The following MICAL2 variants were observed in gnomAD, a reference collection of about 807,000 sequenced individuals.
The protein encoded by MICAL2 is [F-actin]-monooxygenase MICAL2.
In MICAL2, 77 loss-of-function variants were observed where a neutral mutation model predicts 127.3. The observed-to-expected ratio is 0.60, with a 90% CI of 0.50 to 0.73. MICAL2 has a LOEUF of 0.73. MICAL2 is among the 30% of genes least tolerant of loss of function. The pLI is 0.00. For missense variants in MICAL2, 1,351 were observed against 1,434.4 expected, an observed-to-expected ratio of 0.94 and a Z score of 0.94; for synonymous variants, 570 against 551.1, an observed-to-expected ratio of 1.03 and a Z score of -0.48.
Position 12,231,354 on chromosome 11 carries a change from C to T in MICAL2, c.1995+4223C>T, listed in dbSNP as rs1858233449. 2.0e-5 allele frequency among the ~76,000 whole-genome samples: 3 copies of T among 152,236 alleles called. No individual in the cohort carries two copies. In the South Asian group the frequency reaches 6.2e-4, roughly 32 times the overall value. ...TCCTGCTCAACCAGGTCCTCCTCCTCCTCCAGCACTGGTCCCTGACAGAGT... is the reference window on the plus strand; with the variant it reads ...TCCTGCTCAACCAGGTCCTCCTCCTTCTCCAGCACTGGTCCCTGACAGAGT... On this transcript the variant is annotated intron_variant, in intron 15 of 27. Coordinates refer to ENST00000683283, the MANE Select transcript of MICAL2 (RefSeq NM_001282663.2).
intron 21 of MICAL2, among the ~76,000 whole-genome samples, chr11:12,246,862 T>A (rs1345347376): frequency 6.6e-6 from 1 of 152,214 alleles, no homozygotes; most frequent in Non-Finnish European, 1.5e-5. Context: ...TCTGCCCTAA[T>A]GAGGCTTACA....
chr11:12,338,417 G>C (rs1400985482), intron 32 of MICAL2, among the ~76,000 whole-genome samples: 4 of 152,134 alleles, frequency 2.6e-5, no homozygotes, highest in African/African-American at 7.2e-5. Flanking sequence ...CAATTTGCCA[G>C]TCTGTGTCTT....
chr11:12,171,097 C>T (rs1357085184), intron 3 of MICAL2, among the ~76,000 whole-genome samples: 1 of 152,214 alleles, frequency 6.6e-6, no homozygotes, highest in Non-Finnish European at 1.5e-5. Flanking sequence ...TCCTTCCCTG[C>T]AGGGTGGGGA....
At chr11:12,247,254 C>T (rs767956464) in intron 21 of MICAL2, among the ~76,000 whole-genome samples, 4 of 152,204 alleles carry the variant, frequency 2.6e-5, no homozygotes, top group African/African-American at 9.7e-5. Flanking sequence ...GGTGGCCAAC[C>T]CCAGATCTGC....
chr11:12,324,327 G>C (rs1864332845), intron 31 of MICAL2, among the ~76,000 whole-genome samples: 1 of 152,124 alleles, frequency 6.6e-6, no homozygotes, highest in Non-Finnish European at 1.5e-5. Context: ...GACATGTGAG[G>C]CTGGAACAAG....
downstream of MICAL2, chr11:12,294,576 A>G: frequency 1.9e-6 from 3 of 1,614,202 alleles, no homozygotes; most frequent in Non-Finnish European, 1.7e-6. Flanking sequence ...TTGCAAGAGA[A>G]CTTCCCAGAT....
At chr11:12,355,235 A>C (rs78779652) in intron 34 of MICAL2, among the ~76,000 whole-genome samples, 5,009 of 152,236 alleles carry the variant, frequency 0.033, 299 homozygotes, top group African/African-American at 0.11. Context: ...CCAGTTCCGT[A>C]ATGCTAGTTC....
chr11:12,132,765 T>G (rs1851526547), intron 1 of MICAL2, among the ~76,000 whole-genome samples: 2 of 152,256 alleles, frequency 1.3e-5, no homozygotes, highest in Admixed American at 1.3e-4. Context: ...AGGAAGATTT[T>G]CATGTCATTC....
intron 4 of MICAL2, among the ~76,000 whole-genome samples, chr11:12,205,017 A>G (rs565158124): frequency 6.6e-6 from 1 of 152,298 alleles, no homozygotes; most frequent in African/African-American, 2.4e-5. Context: ...GGAAAGAAAT[A>G]ATTGGATCCT....
chr11:12,174,453 T>C (rs1856619682), intron 3 of MICAL2, among the ~76,000 whole-genome samples: 1 of 151,970 alleles, frequency 6.6e-6, no homozygotes. Context: ...ACAGTATTTG[T>C]GGCTGGCTTA....
Position 12,221,678 on chromosome 11 carries a change from G to A in MICAL2, c.1241G>A (p.Gly414Asp), listed in dbSNP as rs747144917. 6.2e-7 allele frequency: 1 copy of A among 1,613,810 alleles called. No homozygotes were observed. Among genetic ancestry groups the A allele is most frequent in the Non-Finnish European group, 8.5e-7 (1 of 1,179,828 alleles). ...FWPMGTGCAR[G>D]FLAAFDTAWM... ...CCCATGGGTACAGGCTGTGCCCGTG[G>A]CTTCCTGGCAGCCTTTGACACGGCA... Residue 414 changes from glycine (G) to aspartate (D), a missense_variant, in exon 10 of 28, where the codon GGC becomes GAC. Transcript: ENST00000683283.
intron 30 of MICAL2, among the ~76,000 whole-genome samples, chr11:12,320,128 C>A (rs190577424): frequency 3.3e-5 from 5 of 152,266 alleles, no homozygotes; most frequent in Non-Finnish European, 7.4e-5. Context: ...GAAAACATTA[C>A]AACAAGCAGA....
At chr11:12,214,383 C>G (rs1464927156) in intron 7 of MICAL2, among the ~76,000 whole-genome samples, 2 of 152,166 alleles carry the variant, frequency 1.3e-5, no homozygotes, top group South Asian at 2.1e-4. Context: ...AATTTTCCAC[C>G]AGCGTTCTTG....
At chr11:12,120,302 G>A (rs1001883439) in intron 1 of MICAL2, among the ~76,000 whole-genome samples, 1 of 152,250 alleles carries the variant, frequency 6.6e-6, no homozygotes, top group African/African-American at 2.4e-5. Flanking sequence ...TGAACCTTAA[G>A]AGGATGGGGC....
intron 32 of MICAL2, among the ~76,000 whole-genome samples, chr11:12,338,589 G>T (rs988555174): frequency 6.6e-6 from 1 of 152,282 alleles, no homozygotes; most frequent in East Asian, 1.9e-4. Context: ...GCAGTGGCTG[G>T]TACCAGTTGT....
intron 24 of MICAL2, among the ~76,000 whole-genome samples, chr11:12,270,422 A>G (rs1040275318): frequency 1.3e-5 from 2 of 152,074 alleles, no homozygotes; most frequent in Admixed American, 6.5e-5. Flanking sequence ...ATCCAAGGGG[A>G]AGCCAGGGTG....
chr11:12,277,028 C>A (rs906251411), intron 1 of MICAL2, among the ~76,000 whole-genome samples: 1 of 152,124 alleles, frequency 6.6e-6, no homozygotes, highest in Admixed American at 6.5e-5. Flanking sequence ...TGACTTAAAC[C>A]AGCCACCGTT....
chr11:12,223,257 T>C (rs1857031945), intron 11 of MICAL2, among the ~76,000 whole-genome samples, 154 bp from the exon 12 acceptor site: 1 of 152,212 alleles, frequency 6.6e-6, no homozygotes, highest in Non-Finnish European at 1.5e-5. Context: ...GCTCTATGAC[T>C]GAAGTTGCCT....
chr11:12,116,696 G>A (rs1212732), intron 1 of MICAL2: 1 of 152,280 alleles, frequency 6.6e-6, no homozygotes, highest in East Asian at 1.9e-4. Flanking sequence ...CTCTGTTCAC[G>A]AACAAACTTT....
Sources: allele counts gnomAD v4.1 joint callset (sites outside exome capture counted in the v4.1 genomes callset), GRCh38; gene constraint gnomAD v4.1.1; transcripts MANE v1.5; gene names NCBI Gene and HGNC (gene_info 2026-07-23, HGNC 2026-07-21).